The following EPHA6 variants were observed in gnomAD, a reference collection of about 807,000 sequenced individuals.
EPHA6 encodes EPH receptor A6.
EPHA6 carries 50 observed loss-of-function variants against 112.0 expected under a neutral mutation model. The observed-to-expected ratio is 0.45, with a 90% confidence interval of 0.36 to 0.56. EPHA6 has a LOEUF of 0.56. Among genes scored for constraint, EPHA6 ranks in the 20% least tolerant of loss-of-function variants. The pLI is 0.00. For synonymous variants in EPHA6, 529 were observed against 490.7 expected, an observed-to-expected ratio of 1.08 and a Z score of -1.03; for missense variants, 1,280 against 1,417.4, an observed-to-expected ratio of 0.90 and a Z score of 1.56.
intron 1 of EPHA6, among the ~76,000 whole-genome samples, chr3:96,860,367 T>A (rs1435395503): frequency 1.3e-5 from 2 of 152,120 alleles, no homozygotes; most frequent in East Asian, 1.9e-4. Flanking sequence ...TATTTTTTTT[T>A]AAAGTAACGG....
intron 15 of EPHA6, among the ~76,000 whole-genome samples, chr3:97,721,915 C>T (rs1028397168): frequency 6.6e-6 from 1 of 152,170 alleles, no homozygotes; most frequent in South Asian, 2.1e-4. Flanking sequence ...TAACCAGTTA[C>T]CTTAGGTAGT....
At chr3:97,289,332 T>G (rs142241294) in intron 5 of EPHA6, among the ~76,000 whole-genome samples, 1 of 152,282 alleles carries the variant, frequency 6.6e-6, no homozygotes, top group East Asian at 1.9e-4. Context: ...ATTTATTGAA[T>G]AGTGAGTCCT....
chr3:97,396,044 C>T (rs1454348729), intron 5 of EPHA6, among the ~76,000 whole-genome samples: 3 of 151,646 alleles, frequency 2.0e-5, no homozygotes, highest in Non-Finnish European at 4.4e-5. Flanking sequence ...GTAAGGTACT[C>T]ATTAATGCTG....
intron 3 of EPHA6, among the ~76,000 whole-genome samples, chr3:97,012,411 G>A (rs1442238387): frequency 4.6e-5 from 7 of 150,974 alleles, no homozygotes; most frequent in Admixed American, 1.3e-4. Context: ...TGACATCTCC[G>A]ACTCTGGGCT....
Position 97,190,074 on chromosome 3 carries a change from C to G in EPHA6, c.1115-36190C>G, listed in dbSNP as rs763723425. 5.3e-5 allele frequency among the ~76,000 whole-genome samples: 8 copies of G among 151,998 alleles called. No homozygotes were observed. The East Asian group carries it at 1.6e-3, about 30-fold the overall frequency. On this transcript the variant is annotated intron_variant, in intron 3 of 17. Transcript: ENST00000389672. ...CATGGATACTTATAGATAGTGGATA[C>G]AGTAGGCAGGGTCAGTAGAAACGTC...
At chr3:97,296,197 C>T (rs1259841615) in intron 5 of EPHA6, among the ~76,000 whole-genome samples, 2 of 151,934 alleles carry the variant, frequency 1.3e-5, no homozygotes, top group East Asian at 3.9e-4. Context: ...CCCCAGACCC[C>T]CAGGAGGCAT....
In EPHA6 at chr3:96,814,653, G is replaced by GAGCT. The variant is rs1209392812; in HGVS notation, c.31_34dup (p.Ser12Ter). ...AATTCCCCTCGCCTCCAGCCGCGAG[G>GAGCT]AGCTCCCCGGCGCCGCAGGCAGCGT... On this transcript the variant is annotated frameshift_variant, in exon 1 of 18. Transcript: ENST00000389672. LOFTEE classifies it high-confidence loss of function. 4.7e-6 allele frequency: 7 copies of GAGCT among 1,475,622 alleles called. No homozygotes were observed. Among genetic ancestry groups the GAGCT allele is most frequent in the Non-Finnish European group, 6.3e-6 (7 of 1,112,992 alleles). The allele number at this position is 1,475,622 out of a possible 1,614,324, so 91.4% of individuals were successfully genotyped here.
chr3:97,390,449 CAT>C (rs137955918), intron 5 of EPHA6, among the ~76,000 whole-genome samples: 3 of 150,720 alleles, frequency 2.0e-5, no homozygotes, highest in Non-Finnish European at 3.0e-5. Context: ...GAAGGAATTT[CAT>C]ATATATATAT....
intron 3 of EPHA6, among the ~76,000 whole-genome samples, chr3:97,096,818 AT>A (rs2047253860): frequency 6.6e-6 from 1 of 151,892 alleles, no homozygotes. Context: ...CTATAGTATA[AT>A]CTTTTTTTAT....
chr3:97,566,408 T>G (rs2093267498), intron 11 of EPHA6, among the ~76,000 whole-genome samples: 1 of 152,138 alleles, frequency 6.6e-6, no homozygotes, highest in Non-Finnish European at 1.5e-5. Flanking sequence ...TCTGGTCAAA[T>G]CCCTCAATTT....
At chr3:97,179,950 T>A (rs780242629) in intron 3 of EPHA6, among the ~76,000 whole-genome samples, 13 of 152,060 alleles carry the variant, frequency 8.5e-5, no homozygotes, top group Non-Finnish European at 1.5e-4. Flanking sequence ...GGTGGCAAAG[T>A]CAGCCAGGTC....
At chr3:96,902,141 G>T (rs1341048764) in intron 2 of EPHA6, among the ~76,000 whole-genome samples, 1 of 152,198 alleles carries the variant, frequency 6.6e-6, no homozygotes, top group Admixed American at 6.5e-5. Flanking sequence ...GGACGATGGA[G>T]ACTGCTGGCA....
intron 11 of EPHA6, among the ~76,000 whole-genome samples, chr3:97,569,648 C>T (rs1185253960): frequency 6.6e-6 from 1 of 152,022 alleles, no homozygotes; most frequent in African/African-American, 2.4e-5. Flanking sequence ...TTACTATATA[C>T]ATTTTCAAAA....
intron 3 of EPHA6, among the ~76,000 whole-genome samples, chr3:97,094,667 T>C (rs1329905851): frequency 6.6e-6 from 1 of 152,174 alleles, no homozygotes; most frequent in Non-Finnish European, 1.5e-5. Flanking sequence ...ATGTCAAGTG[T>C]ATCTCATTCT....
intron 11 of EPHA6, among the ~76,000 whole-genome samples, chr3:97,544,579 T>G (rs1204791012): frequency 6.6e-6 from 1 of 152,216 alleles, no homozygotes. Flanking sequence ...TCTGCCAGGC[T>G]TTGGTATCAG....
At chr3:97,677,239 C>A (rs1305897541) in intron 14 of EPHA6, among the ~76,000 whole-genome samples, 1 of 151,952 alleles carries the variant, frequency 6.6e-6, no homozygotes, top group Non-Finnish European at 1.5e-5. Context: ...AAATACACAC[C>A]AGATTAACAT....
chr3:96,988,174 T>C (rs1008121603), intron 3 of EPHA6, among the ~76,000 whole-genome samples, 181 bp downstream of exon 3: 1 of 152,188 alleles, frequency 6.6e-6, no homozygotes, highest in Non-Finnish European at 1.5e-5. Context: ...AACACTGATC[T>C]TTTCAAAATG....
rs1391179098 is a variant in EPHA6 at position 97,565,758 on chromosome 3, C to T, written c.2387-26854C>T. On this transcript the variant is annotated intron_variant, in intron 11 of 17. Coordinates refer to ENST00000389672, the MANE Select transcript of EPHA6 (RefSeq NM_001080448.3). Reference sequence around the variant, plus strand: ...TTTAGGCCGGGCGTGGTGGCTCACACCTGTAATCCCAGCACTTTGGGAGGC... The same window carrying T: ...TTTAGGCCGGGCGTGGTGGCTCACATCTGTAATCCCAGCACTTTGGGAGGC... Among the ~76,000 whole-genome samples, 4 of 152,080 alleles carry T rather than the reference C, an allele frequency of 2.6e-5. No individual in the cohort carries two copies. The East Asian group carries it at 7.7e-4, about 29-fold the overall frequency.
chr3:97,190,317 G>T (rs1375609156), intron 3 of EPHA6, among the ~76,000 whole-genome samples: 2 of 152,026 alleles, frequency 1.3e-5, no homozygotes, highest in Non-Finnish European at 2.9e-5. Context: ...CTTGTGGCTG[G>T]ATTCCAGTTT....
Sources: allele counts gnomAD v4.1 joint callset (sites outside exome capture counted in the v4.1 genomes callset), GRCh38; gene constraint gnomAD v4.1.1; transcripts MANE v1.5; gene names NCBI Gene and HGNC (gene_info 2026-07-23, HGNC 2026-07-21).